TENM2: variants seen among roughly 807,000 people sequenced by gnomAD.
The protein encoded by TENM2 is teneurin transmembrane protein 2.
TENM2 carries 52 observed loss-of-function variants against 245.2 expected under a neutral mutation model. The observed-to-expected ratio is 0.21, with a 90% CI of 0.17 to 0.27. The LOEUF is 0.27. Among genes scored for constraint, TENM2 ranks in the 10% least tolerant of loss-of-function variants. The probability of loss-of-function intolerance (pLI) is 1.00; values close to 1 mark genes in which losing one functional copy is unlikely to be tolerated. For synonymous variants in TENM2, 1,363 were observed against 1,438.9 expected (o/e 0.95, Z 1.19); for missense variants, 3,046 against 3,666.8 (o/e 0.83, Z 4.37).
chr5:167,362,941 A>G (rs1161299596), intron 1 of TENM2, among the ~76,000 whole-genome samples: 1 of 152,142 alleles, frequency 6.6e-6, no homozygotes, highest in Non-Finnish European at 1.5e-5. Context: ...TGTTTGTTAC[A>G]CACACCTACA....
At chr5:167,669,068 A>G (rs1197182977) in intron 2 of TENM2, among the ~76,000 whole-genome samples, 1 of 152,238 alleles carries the variant, frequency 6.6e-6, no homozygotes, top group Non-Finnish European at 1.5e-5. Context: ...TGATTCTTTT[A>G]TTTGGAATTT....
intron 2 of TENM2, among the ~76,000 whole-genome samples, chr5:167,843,332 G>A (rs1399172310): frequency 6.6e-6 from 1 of 152,162 alleles, no homozygotes; most frequent in Non-Finnish European, 1.5e-5. Context: ...AGATTTAAAT[G>A]AGGGAAATCG....
At chr5:167,793,646 G>A (rs867808652) in intron 2 of TENM2, among the ~76,000 whole-genome samples, 2 of 151,604 alleles carry the variant, frequency 1.3e-5, no homozygotes, top group Non-Finnish European at 2.9e-5. Context: ...ACCAGCCTGG[G>A]CAACATGGTG....
At chr5:167,382,139 T>C (rs1202417549) in intron 2 of TENM2, among the ~76,000 whole-genome samples, 1 of 152,104 alleles carries the variant, frequency 6.6e-6, no homozygotes, top group African/African-American at 2.4e-5. Flanking sequence ...TATTTGGAAA[T>C]AGATGGAGGG....
chr5:168,251,992 C>T (rs1319533613), intron 27 of TENM2, among the ~76,000 whole-genome samples: 1 of 152,148 alleles, frequency 6.6e-6, no homozygotes, highest in African/African-American at 2.4e-5. Context: ...TTACAGGCTG[C>T]AAAGCAGCAC....
the TENM2 span, among the ~76,000 whole-genome samples, chr5:167,191,238 C>A: frequency 6.6e-6 from 1 of 151,942 alleles, no homozygotes; most frequent in African/African-American, 2.4e-5. Flanking sequence ...ATGTTACATA[C>A]AGCATATATG....
Position 167,527,614 on chromosome 5 carries a change from T to G in TENM2, c.502+152141T>G, listed in dbSNP as rs75483957. ...TTTCTTGACCTCAGTGTAGAAATAC[T>G]TCTTATTCACCTGTGATCTCATAAT... On this transcript the variant is annotated intron_variant, in intron 2 of 28. Coordinates refer to ENST00000518659, the Ensembl canonical transcript of TENM2. Among the ~76,000 whole-genome samples the G allele has an allele frequency of 9.8e-3, 1,489 of 152,300 alleles. 16 individuals carry two copies. The highest frequency in any genetic ancestry group is 0.034 in the African/African-American group (1,429 of 41,572).
intron 10 of TENM2, among the ~76,000 whole-genome samples, chr5:168,121,078 T>A (rs1795437644): frequency 6.6e-6 from 1 of 152,218 alleles, no homozygotes; most frequent in African/African-American, 2.4e-5. Context: ...TAATTCATGG[T>A]TCTTCAGGGG....
At chr5:167,731,710 T>TTC (rs1423509959) in intron 2 of TENM2, among the ~76,000 whole-genome samples, 45 of 151,646 alleles carry the variant, frequency 3.0e-4, no homozygotes, top group African/African-American at 1.1e-3. Context: ...TTTTTTTTTT[T>TTC]TTTTTGAAAT....
At chr5:167,371,338 T>TG (rs1223824464) in intron 1 of TENM2, among the ~76,000 whole-genome samples, 1 of 149,990 alleles carries the variant, frequency 6.7e-6, no homozygotes, top group African/African-American at 2.5e-5. Flanking sequence ...CTCCCTGTTT[T>TG]TTTTTTTTTT....
rs142130550 is a variant in TENM2 at position 168,254,976 on chromosome 5, G to A, written c.7433-5307G>A. On this transcript the variant is annotated intron_variant, in intron 27 of 28. Transcript: ENST00000518659. ...GCAGGAGAATCTCTTGAACCTGGGA[G>A]GCAGAGGTTGCAGTGAGACGAGGTC... Among the ~76,000 whole-genome samples the A allele has an allele frequency of 9.2e-3, 1,398 of 152,078 alleles. 22 individuals carry two copies. Among genetic ancestry groups the A allele is most frequent in the African/African-American group, 0.032 (1,335 of 41,474 alleles).
chr5:167,892,219 A>T (rs1282042986), intron 3 of TENM2, among the ~76,000 whole-genome samples: 1 of 152,214 alleles, frequency 6.6e-6, no homozygotes. Context: ...TAAACTTGAA[A>T]AAATTATTTT....
chr5:167,952,535 G>C, intron 3 of TENM2, 53 bp from the exon 6 acceptor site: 3 of 1,446,908 alleles, frequency 2.1e-6, no homozygotes, highest in Non-Finnish European at 2.9e-6. Flanking sequence ...TTTGCAGAGT[G>C]CCTGAGACTG....
At chr5:168,194,886 A>C (rs1486757230) in intron 14 of TENM2, among the ~76,000 whole-genome samples, 4 of 152,206 alleles carry the variant, frequency 2.6e-5, no homozygotes, top group Non-Finnish European at 5.9e-5. Flanking sequence ...GATGAGGGAC[A>C]GCCTGAAGCT....
chr5:167,754,617 TAA>T (rs529811425), intron 2 of TENM2, among the ~76,000 whole-genome samples: 1 of 143,158 alleles, frequency 7.0e-6, no homozygotes, highest in African/African-American at 2.5e-5. Context: ...GAGAATAATT[TAA>T]AAAAAAAAAT....
At chr5:167,042,015 T>A in the TENM2 span, among the ~76,000 whole-genome samples, 1 of 152,198 alleles carries the variant, frequency 6.6e-6, no homozygotes. Flanking sequence ...CCTGTGGAAG[T>A]TATTCCCACA....
intron 14 of TENM2, 88 bp downstream of exon 16, chr5:168,190,635 C>A (rs182415889): frequency 2.8e-4 from 352 of 1,242,514 alleles, no homozygotes; most frequent in Admixed American, 3.7e-4. Context: ...TTCCCGGGGA[C>A]CCAATTGGCC....
chr5:167,084,680 G>A, the TENM2 span, among the ~76,000 whole-genome samples: 2 of 151,962 alleles, frequency 1.3e-5, no homozygotes, highest in East Asian at 1.9e-4. Context: ...TAAGCAGAAT[G>A]CAACAGTGAA....
At chr5:167,592,013 G>T (rs1398456631) in intron 2 of TENM2, among the ~76,000 whole-genome samples, 1 of 152,230 alleles carries the variant, frequency 6.6e-6, no homozygotes, top group Non-Finnish European at 1.5e-5. Context: ...TACAGCATTT[G>T]CCAGGAGGTG....
Sources: allele counts gnomAD v4.1 joint callset (sites outside exome capture counted in the v4.1 genomes callset), GRCh38; gene constraint gnomAD v4.1.1; transcripts MANE v1.5; gene names NCBI Gene and HGNC (gene_info 2026-07-23, HGNC 2026-07-21).